The following MDGA2 variants were observed in gnomAD, a reference collection of about 807,000 sequenced individuals.
The protein encoded by MDGA2 is MAM domain containing glycosylphosphatidylinositol anchor 2.
Under a neutral mutation model 117.8 loss-of-function variants are expected in MDGA2, and 40 were observed. That is an observed-to-expected ratio of 0.34 (90% CI 0.26 to 0.44). The LOEUF (loss-of-function observed/expected upper bound fraction) is 0.44. Among genes scored for constraint, MDGA2 ranks in the 20% least tolerant of loss-of-function variants. The pLI, the probability that MDGA2 is intolerant of heterozygous loss-of-function variation, is 1.00. For synonymous variants in MDGA2, 452 were observed against 439.0 expected (o/e 1.03, Z -0.37); for missense variants, 1,123 against 1,250.6 (o/e 0.90, Z 1.54).
At chr14:47,549,732 G>T (rs1182493901) in intron 1 of MDGA2, among the ~76,000 whole-genome samples, 1 of 152,102 alleles carries the variant, frequency 6.6e-6, no homozygotes, top group African/African-American at 2.4e-5. Flanking sequence ...GTCCTTATAA[G>T]CAGAGACACC....
At chr14:47,542,079 A>G (rs1312732689) in intron 1 of MDGA2, among the ~76,000 whole-genome samples, 1 of 152,242 alleles carries the variant, frequency 6.6e-6, no homozygotes, top group African/African-American at 2.4e-5. Context: ...AGAAAGAGTT[A>G]GGAAAAGAGA....
chr14:47,196,027 T>A (rs138652254), intron 3 of MDGA2, among the ~76,000 whole-genome samples: 6 of 152,064 alleles, frequency 3.9e-5, no homozygotes, highest in Non-Finnish European at 8.8e-5. Flanking sequence ...ACTAGTTAAA[T>A]AGTAAACTTA....
intron 1 of MDGA2, among the ~76,000 whole-genome samples, chr14:47,428,785 A>G (rs145358976): frequency 1.3e-5 from 2 of 152,206 alleles, no homozygotes; most frequent in African/African-American, 4.8e-5. Flanking sequence ...ACATAAATAT[A>G]CATGTATATA....
chr14:47,249,331 T>TTTCC (rs1453281818), intron 2 of MDGA2, among the ~76,000 whole-genome samples: 2 of 151,966 alleles, frequency 1.3e-5, no homozygotes, highest in Non-Finnish European at 2.9e-5. Flanking sequence ...TCTTTCTTTC[T>TTTCC]TTCCCTCTTT....
At chr14:47,019,165 AAT>A (rs768562864) in intron 8 of MDGA2, among the ~76,000 whole-genome samples, 6 of 152,232 alleles carry the variant, frequency 3.9e-5, no homozygotes, top group Non-Finnish European at 7.3e-5. Context: ...AAATATGAAA[AAT>A]AGTTTCATTA....
chr14:47,161,804 T>C lies in MDGA2; in HGVS notation c.596-17530A>G, dbSNP rs1201191458. ...CCTCAACTCTTATATTTTGTTTTCG[T>C]TGATTTTAGATTTCCCTTAAACTCA... On this transcript the variant is annotated intron_variant, in intron 3 of 16. Transcript: ENST00000399232. Among the ~76,000 whole-genome samples the C allele has an allele frequency of 3.9e-5, 6 of 152,018 alleles. No homozygotes were observed. The East Asian group carries it at 1.2e-3, about 29-fold the overall frequency.
intron 3 of MDGA2, among the ~76,000 whole-genome samples, chr14:47,216,625 G>T (rs1433993703): frequency 1.3e-5 from 2 of 151,994 alleles, no homozygotes; most frequent in Non-Finnish European, 2.9e-5. Context: ...TGTGTTTAAG[G>T]TATTGAAGAG....
At chr14:47,385,514 G>A (rs1041764297) in intron 1 of MDGA2, among the ~76,000 whole-genome samples, 3 of 152,058 alleles carry the variant, frequency 2.0e-5, no homozygotes, top group Non-Finnish European at 4.4e-5. Context: ...TTTAAATATG[G>A]AATAATAATA....
At chr14:47,318,308 C>T (rs1889870212) in intron 1 of MDGA2, among the ~76,000 whole-genome samples, 1 of 152,164 alleles carries the variant, frequency 6.6e-6, no homozygotes, top group Non-Finnish European at 1.5e-5. Context: ...AAACTCGTTT[C>T]TCTCTCTTTC....
chr14:47,474,887 A>C (rs1371015419), intron 1 of MDGA2, among the ~76,000 whole-genome samples: 1 of 152,210 alleles, frequency 6.6e-6, no homozygotes, highest in East Asian at 1.9e-4. Flanking sequence ...ACTCTAGAAG[A>C]AAATCTAGGC....
intron 2 of MDGA2, among the ~76,000 whole-genome samples, chr14:47,297,435 G>A (rs1385444901): frequency 7.1e-6 from 1 of 140,640 alleles, no homozygotes; most frequent in Admixed American, 7.5e-5. Flanking sequence ...GAGTGGAGGG[G>A]AGTGAAGGGA....
intron 6 of MDGA2, among the ~76,000 whole-genome samples, chr14:47,092,546 C>T (rs1320821376): frequency 6.6e-6 from 1 of 152,014 alleles, no homozygotes; most frequent in African/African-American, 2.4e-5. Context: ...TCTTCCAAAC[C>T]CAAGGTGGAG....
chr14:47,350,880 T>C (rs1207250897), intron 1 of MDGA2, among the ~76,000 whole-genome samples: 1 of 152,218 alleles, frequency 6.6e-6, no homozygotes, highest in Non-Finnish European at 1.5e-5. Context: ...AGTGGTTGCC[T>C]GTGCAGGTGG....
Position 47,266,675 on chromosome 14 carries a change from C to T in MDGA2, c.420+34736G>A, listed in dbSNP as rs180702721. On this transcript the variant is annotated intron_variant, in intron 2 of 16. Transcript: ENST00000399232. ...TCAGTCTCTGGAATTGTATTTTCCC[C>T]TCTTAGAGTGACTGATTTCTGGTTC... is the stretch of plus-strand genomic sequence containing the variant. Among the ~76,000 whole-genome samples the T allele has an allele frequency of 1.7e-3, 264 of 152,290 alleles. 1 individual carries two copies. Among genetic ancestry groups the T allele is most frequent in the Middle Eastern group, 0.017 (5 of 294 alleles).
chr14:46,876,409 A>C (rs950704517), intron 12 of MDGA2, among the ~76,000 whole-genome samples: 1 of 151,584 alleles, frequency 6.6e-6, no homozygotes, highest in African/African-American at 2.4e-5. Flanking sequence ...ATGATAACGC[A>C]ATGAGCTGTA....
Position 47,138,072 on chromosome 14 carries a change from T to G in MDGA2, c.792+6006A>C, listed in dbSNP as rs963775107. Among the ~76,000 whole-genome samples, 14 of 152,294 alleles carry G rather than the reference T, an allele frequency of 9.2e-5. No homozygotes were observed. The East Asian group carries it at 1.9e-3, about 21-fold the overall frequency. ...GACAGTCAGCATATAATAAAAATAT[T>G]TTAAAACAATACAGCAGAATGTATA... On this transcript the variant is annotated intron_variant, in intron 4 of 16. Transcript: ENST00000399232.
In MDGA2 at chr14:47,106,083, C is replaced by T. The variant is rs374438165; in HGVS notation, c.926-8960G>A. Among the ~76,000 whole-genome samples, 3 of 152,206 alleles carry T rather than the reference C, an allele frequency of 2.0e-5. 1 individual carries two copies. Among genetic ancestry groups the T allele is most frequent in the South Asian group, 4.2e-4 (2 of 4,812 alleles). On this transcript the variant is annotated intron_variant, in intron 5 of 16. Transcript: ENST00000399232. ...TTTTTCTTTATCCCAAATCGGATAG[C>T]GTTTAGGCTTTTTTTCATCAAATAT...
chr14:47,104,589 G>A (rs1161082332), intron 5 of MDGA2, among the ~76,000 whole-genome samples: 3 of 150,488 alleles, frequency 2.0e-5, no homozygotes, highest in Non-Finnish European at 1.5e-5. Context: ...TCTCTTTTCG[G>A]ACTCAGCCTG....
chr14:46,957,388 C>T lies in MDGA2; in HGVS notation c.2075G>A (p.Ser692Asn). The T allele has an allele frequency of 6.2e-7, 1 of 1,613,264 alleles. No homozygotes were observed. The highest frequency in any genetic ancestry group is 8.5e-7 in the Non-Finnish European group (1 of 1,179,520). Residue 692 changes from serine to asparagine, a missense_variant, in exon 9 of 17, where the codon AGC (serine) becomes AAC (asparagine). Coordinates refer to ENST00000399232, the MANE Select transcript of MDGA2 (RefSeq NM_001113498.3). ...IINEAGAGRC[S>N]FLVTGKAYAP... ...TGGAATCCTACCTGTAACAAGAAAG[C>T]TGCATCTCCCAGCTCCAGCTTCATT...
Sources: allele counts gnomAD v4.1 joint callset (sites outside exome capture counted in the v4.1 genomes callset), GRCh38; gene constraint gnomAD v4.1.1; transcripts MANE v1.5; gene names NCBI Gene and HGNC (gene_info 2026-07-23, HGNC 2026-07-21).